Variants in MYO3B observed in about 807,000 individuals in gnomAD.
The protein encoded by MYO3B is myosin IIIB, also known as myosin-IIIb.
Under a neutral mutation model 174.6 loss-of-function variants are expected in MYO3B, and 156 were observed. That is an observed-to-expected ratio of 0.89 (90% CI 0.78 to 1.02). The LOEUF is 1.02. MYO3B is among the 50% of genes least tolerant of loss of function. The pLI is 0.00. For missense variants in MYO3B, 1,632 were observed against 1,639.4 expected (o/e 1.00, Z 0.08); for synonymous variants, 563 against 569.1 (o/e 0.99, Z 0.15).
chr2:170,432,731 C>T lies in MYO3B; in HGVS notation c.2651-11236C>T, dbSNP rs186996545. ...AGTTGGGACTACAGGCGCCTGCCAC[C>T]ATGCCCGGCTAATTTTTGTATTTTT... On this transcript the variant is annotated intron_variant, in intron 22 of 34. Coordinates refer to ENST00000408978, the MANE Select transcript of MYO3B (RefSeq NM_138995.5). Among the ~76,000 whole-genome samples the T allele has an allele frequency of 1.1e-3, 161 of 152,164 alleles. 1 individual carries two copies. The East Asian group carries it at 0.021, about 20-fold the overall frequency.
intron 7 of MYO3B, among the ~76,000 whole-genome samples, chr2:170,281,309 A>C (rs999029483): frequency 1.3e-5 from 2 of 152,042 alleles, no homozygotes; most frequent in Non-Finnish European, 2.9e-5. Flanking sequence ...CCCAAAAACA[A>C]TATATATTCT....
intron 6 of MYO3B, among the ~76,000 whole-genome samples, chr2:170,235,405 G>C (rs1315253475): frequency 6.6e-6 from 1 of 152,188 alleles, no homozygotes; most frequent in African/African-American, 2.4e-5. Context: ...TACCTAGTCA[G>C]GCCAAGTAAC....
At chr2:170,453,547 G>T (rs941640025) in intron 23 of MYO3B, among the ~76,000 whole-genome samples, 11 of 151,976 alleles carry the variant, frequency 7.2e-5, no homozygotes, top group African/African-American at 2.7e-4. Context: ...CAGGTACCAG[G>T]TTTCTGGGCT....
At chr2:170,469,185 T>G (rs13005411) in intron 25 of MYO3B, among the ~76,000 whole-genome samples, 53,972 of 152,062 alleles carry the variant, frequency 0.35, 11,575 homozygotes, top group Non-Finnish European at 0.47. Flanking sequence ...ATGAAGCTAT[T>G]GTAGTAAATA....
chr2:170,445,077 A>T lies in MYO3B; in HGVS notation c.2730+1031A>T, dbSNP rs542413248. ...ACGGGGTCAATACTTAGGCCACAAT[A>T]TTTTTGTGAAGTGATCAATGCATAA... is the stretch of plus-strand genomic sequence containing the variant. On this transcript the variant is annotated intron_variant, in intron 23 of 34. Coordinates refer to ENST00000408978, the MANE Select transcript of MYO3B (RefSeq NM_138995.5). Among the ~76,000 whole-genome samples the T allele has an allele frequency of 2.0e-5, 3 of 152,332 alleles. No homozygotes were observed. In the South Asian group the frequency reaches 6.2e-4, roughly 32 times the overall value.
chr2:170,437,847 C>T (rs1054957269), intron 22 of MYO3B, among the ~76,000 whole-genome samples: 2 of 152,140 alleles, frequency 1.3e-5, no homozygotes, highest in South Asian at 2.1e-4. Flanking sequence ...ACTTCTTTCT[C>T]GGGAAAACTT....
intron 8 of MYO3B, chr2:170,351,094 A>G (rs1437031479): frequency 6.6e-6 from 1 of 152,136 alleles, no homozygotes; most frequent in Non-Finnish European, 1.5e-5. Flanking sequence ...GAAGGAAGTT[A>G]GTTATATTCA....
Position 170,499,671 on chromosome 2 carries a change from A to G in MYO3B, c.3152A>G (p.Glu1051Gly), listed in dbSNP as rs374066960. ...GTTTTTCTCAAATATTACCATGTTG[A>G]GCAATTAAATTTGCTGCTTCGAGAA... ...TKVFLKYYHVEQLNLLLREVI... is the reference protein window; with the variant it reads ...TKVFLKYYHVGQLNLLLREVI... Residue 1051 changes from glutamate to glycine, a missense_variant, in exon 27 of 35, where the codon GAG becomes GGG. Transcript: ENST00000408978. 1 of 1,614,018 alleles carries G rather than the reference A, an allele frequency of 6.2e-7. No homozygotes were observed. The highest frequency in any genetic ancestry group is 8.5e-7 in the Non-Finnish European group (1 of 1,179,984).
chr2:170,496,440 CTT>C (rs1686857319), intron 25 of MYO3B, among the ~76,000 whole-genome samples: 1 of 151,764 alleles, frequency 6.6e-6, no homozygotes, highest in Non-Finnish European at 1.5e-5. Context: ...CAGGAAAATC[CTT>C]TGACAAAGAA....
intron 28 of MYO3B, among the ~76,000 whole-genome samples, chr2:170,502,983 A>T (rs1411778604): frequency 2.0e-5 from 3 of 152,190 alleles, no homozygotes; most frequent in Non-Finnish European, 4.4e-5. Context: ...AGGAATTCTA[A>T]GCTCTACAAC....
chr2:170,631,664 G>T (rs913705966), intron 32 of MYO3B, among the ~76,000 whole-genome samples: 12 of 151,970 alleles, frequency 7.9e-5, no homozygotes, highest in African/African-American at 2.9e-4. Flanking sequence ...GAAAGGTCGG[G>T]TTACCCACAA....
chr2:170,317,927 C>G (rs936715576), intron 7 of MYO3B, among the ~76,000 whole-genome samples: 1 of 152,140 alleles, frequency 6.6e-6, no homozygotes, highest in African/African-American at 2.4e-5. Context: ...ACTACTGATT[C>G]ATGGGACGCA....
At chr2:170,348,527 C>T (rs1456672364) in intron 8 of MYO3B, 2 of 152,160 alleles carry the variant, frequency 1.3e-5, no homozygotes, top group African/African-American at 4.8e-5. Context: ...TGACAGCCAC[C>T]ATGCCCAGCC....
chr2:170,188,148 T>C (rs1342684184), intron 1 of MYO3B, among the ~76,000 whole-genome samples: 1 of 152,230 alleles, frequency 6.6e-6, no homozygotes, highest in Non-Finnish European at 1.5e-5. Flanking sequence ...GTTAGGTGCA[T>C]ATATTTACAT....
chr2:170,294,725 T>C (rs1046609114), intron 7 of MYO3B, among the ~76,000 whole-genome samples: 2 of 152,134 alleles, frequency 1.3e-5, no homozygotes, highest in African/African-American at 2.4e-5. Context: ...TATATGTCAT[T>C]ATAAATTTGT....
Position 170,178,306 on chromosome 2 carries a change from T to C in MYO3B, c.2+17T>C. On this transcript the variant is annotated intron_variant, in intron 1 of 34. Transcript: ENST00000408978. ...GTCATCGATGTGAGTTGCAGTTATT[T>C]TCCTTCCAGCTTTCTTCTGTGCTTG... is the stretch of plus-strand genomic sequence containing the variant. The C allele has an allele frequency of 1.9e-6, 3 of 1,614,158 alleles. No homozygotes were observed. Among genetic ancestry groups the C allele is most frequent in the Non-Finnish European group, 2.5e-6 (3 of 1,179,998 alleles).
chr2:170,322,668 A>C (rs1353654448), intron 7 of MYO3B, among the ~76,000 whole-genome samples: 1 of 151,684 alleles, frequency 6.6e-6, no homozygotes, highest in African/African-American at 2.4e-5. Flanking sequence ...ACTGTTGTTG[A>C]TAACCAGTCT....
chr2:170,428,510 T>C (rs1016601421), intron 22 of MYO3B, among the ~76,000 whole-genome samples: 20 of 152,230 alleles, frequency 1.3e-4, no homozygotes, highest in African/African-American at 4.8e-4. Flanking sequence ...TTATTGCACT[T>C]ACGTGTTTCC....
chr2:170,523,820 G>A (rs374676485), intron 30 of MYO3B, among the ~76,000 whole-genome samples: 5 of 152,304 alleles, frequency 3.3e-5, no homozygotes, highest in East Asian at 3.9e-4. Flanking sequence ...CCATTTGCTA[G>A]GAGGGAAATC....
Sources: allele counts gnomAD v4.1 joint callset (sites outside exome capture counted in the v4.1 genomes callset), GRCh38; gene constraint gnomAD v4.1.1; transcripts MANE v1.5; gene names NCBI Gene and HGNC (gene_info 2026-07-23, HGNC 2026-07-21).